Variants in FKBP3 observed in about 807,000 individuals in gnomAD.
FKBP3 encodes FKBP prolyl isomerase 3, also known as peptidyl-prolyl cis-trans isomerase FKBP3.
FKBP3 carries 21 observed loss-of-function variants against 30.6 expected under a neutral mutation model. The ratio of observed to expected loss-of-function variants is 0.69; its 90% CI spans 0.49 to 0.99. The LOEUF (loss-of-function observed/expected upper bound fraction) is 0.99. FKBP3 is among the 50% of genes least tolerant of loss of function. The pLI is 0.00. For missense variants in FKBP3, 283 were observed against 261.6 expected (o/e 1.08, Z -0.56); for synonymous variants, 82 against 91.3 (o/e 0.90, Z 0.58).
chr14:45,121,695 A>T (rs1307277515), intron 3 of FKBP3, 75 bp from the exon 4 acceptor site: 1 of 1,512,314 alleles, frequency 6.6e-7, no homozygotes, highest in Non-Finnish European at 8.9e-7. Context: ...ACAATAGCCA[A>T]CAATGACCAA....
chr14:45,132,522 C>G lies in FKBP3; in HGVS notation c.109-1722G>C, dbSNP rs1328130055. ...AAACGATTCTCCTGCCTCAGCCTCC[C>G]GAACAGCTGGGATTAGAGGCGCCCA... is the stretch of plus-strand genomic sequence containing the variant. On this transcript the variant is annotated intron_variant, in intron 1 of 6. Coordinates refer to ENST00000396062, the MANE Select transcript of FKBP3 (RefSeq NM_002013.4). Among the ~76,000 whole-genome samples the G allele has an allele frequency of 5.9e-5, 9 of 152,082 alleles. No homozygotes were observed. In the East Asian group the frequency reaches 9.7e-4, roughly 16 times the overall value.
chr14:45,129,905 T>C lies in FKBP3; in HGVS notation c.211-4A>G, dbSNP rs765309859. The stretch of plus-strand genomic sequence containing the variant: ...TACTTTCAGTACCCTTAAAACGCTG[T>C]AAGGAAAATGTTGTAACATCATACC... On this transcript the variant is annotated splice_polypyrimidine_tract_variant and splice_region_variant and intron_variant, in intron 2 of 6. Transcript: ENST00000396062. 6.3e-7 allele frequency: 1 copy of C among 1,593,702 alleles called. No individual in the cohort carries two copies. Among genetic ancestry groups the C allele is most frequent in the Non-Finnish European group, 8.6e-7 (1 of 1,165,496 alleles).
chr14:45,127,176 C>T (rs1000335497), intron 3 of FKBP3, among the ~76,000 whole-genome samples: 1 of 144,758 alleles, frequency 6.9e-6, no homozygotes, highest in African/African-American at 2.7e-5. Context: ...TACAATGGTG[C>T]GATCTCAGCT....
intron 6 of FKBP3, among the ~76,000 whole-genome samples, chr14:45,117,611 T>C (rs2139074729): frequency 6.6e-6 from 1 of 152,350 alleles, no homozygotes; most frequent in Middle Eastern, 3.4e-3. Flanking sequence ...CTCCCACATC[T>C]ATTCCATTTC....
At chr14:45,131,660 CTG>C (rs1308492429) in intron 1 of FKBP3, among the ~76,000 whole-genome samples, 1 of 145,932 alleles carries the variant, frequency 6.9e-6, no homozygotes, top group Non-Finnish European at 1.5e-5. Flanking sequence ...AAAATCCTAG[CTG>C]TCTGACACTA....
chr14:45,134,359 C>A lies in FKBP3; in HGVS notation c.98G>T (p.Gly33Val). ...CTACGCCTCTGGTACCGAATCTGAA[C>A]CGTGTTCCTGCAGAAACTTGATAAT... is the stretch of plus-strand genomic sequence containing the variant. The part of the protein sequence containing the change: ...KDIIKFLQEH[G>V]SDSFLAEHKL... The change falls in exon 1 of 7, where the codon GGT (glycine) becomes GTT (valine). Residue 33 changes from glycine (G) to valine (V), a missense_variant. Transcript: ENST00000396062. 9 of 1,613,572 alleles carry A rather than the reference C, an allele frequency of 5.6e-6. No individual in the cohort carries two copies. Among genetic ancestry groups the A allele is most frequent in the East Asian group, 2.2e-5 (1 of 44,852 alleles).
At chr14:45,124,440 G>A (rs1397493517) in intron 3 of FKBP3, among the ~76,000 whole-genome samples, 1 of 152,058 alleles carries the variant, frequency 6.6e-6, no homozygotes. Context: ...GCTGAAGCAG[G>A]AGAATCACTT....
intron 3 of FKBP3, among the ~76,000 whole-genome samples, chr14:45,126,410 C>A (rs1397617939): frequency 1.3e-5 from 2 of 151,902 alleles, no homozygotes. Flanking sequence ...ACTGCTTGAA[C>A]CCGGGAGGCG....
At chr14:45,129,961 A>T in intron 2 of FKBP3, 60 bp from the exon 3 acceptor site, 1 of 1,002,782 alleles carries the variant, frequency 1.0e-6, no homozygotes, top group South Asian at 1.6e-5. Flanking sequence ...AAGCAACATC[A>T]AGATTTTCAG....
chr14:45,128,895 C>T (rs1885157326), intron 3 of FKBP3, among the ~76,000 whole-genome samples: 1 of 152,192 alleles, frequency 6.6e-6, no homozygotes, highest in Non-Finnish European at 1.5e-5. Flanking sequence ...ATAATAATTG[C>T]TCCATTTACC....
Position 45,134,329 on chromosome 14 carries a change from C to G in FKBP3, c.108+20G>C, listed in dbSNP as rs1483183890. On this transcript the variant is annotated intron_variant, in intron 1 of 6. Coordinates refer to ENST00000396062, the MANE Select transcript of FKBP3 (RefSeq NM_002013.4). ...CGTCCCTCAGCCGCACCAGCCCGGC[C>G]GCCCCTACGCCTCTGGTACCGAATC... 1.3e-6 allele frequency: 2 copies of G among 1,588,892 alleles called. No homozygotes were observed. Among genetic ancestry groups the G allele is most frequent in the Admixed American group, 1.7e-5 (1 of 59,366 alleles).
At chr14:45,121,107 A>G (rs574078979) in intron 4 of FKBP3, among the ~76,000 whole-genome samples, 153 bp from the exon 5 acceptor site, 1 of 152,364 alleles carries the variant, frequency 6.6e-6, no homozygotes, top group South Asian at 2.1e-4. Flanking sequence ...AAAATTTACA[A>G]AGATCATCCA....
chr14:45,132,943 A>G (rs1049262509), intron 1 of FKBP3, among the ~76,000 whole-genome samples: 2 of 152,218 alleles, frequency 1.3e-5, no homozygotes, highest in Admixed American at 6.5e-5. Context: ...AATTGGCTTA[A>G]GAGAAAATAG....
At chr14:45,125,975 T>C (rs1056128917) in intron 3 of FKBP3, among the ~76,000 whole-genome samples, 1 of 151,986 alleles carries the variant, frequency 6.6e-6, no homozygotes, top group Non-Finnish European at 1.5e-5. Context: ...CTTGTCTCAC[T>C]ACAATCTCTG....
rs1234120620 is a variant in FKBP3, at chr14:45,134,220, G to A, written c.108+129C>T. 3.9e-6 allele frequency: 3 copies of A among 776,802 alleles called. No homozygotes were observed. The South Asian group carries it at 5.1e-5, about 13-fold the overall frequency. The allele number at this position is 776,802 out of a possible 1,614,324, so 48.1% of individuals were successfully genotyped here. A position where few individuals can be genotyped will look rare whatever the true frequency, so the allele number is the denominator to read the frequency against. On this transcript the variant is annotated intron_variant, in intron 1 of 6. Transcript: ENST00000396062. Reference sequence around the variant, plus strand: ...CCAAAGCACAAGCTGGGCCTCTCCGGCCTTCCAGGCCACCGGCCGCGGGAA... The same window carrying A: ...CCAAAGCACAAGCTGGGCCTCTCCGACCTTCCAGGCCACCGGCCGCGGGAA...
chr14:45,134,302 G>C (rs767615899), intron 1 of FKBP3, 47 bp downstream of exon 1: 2 of 1,427,710 alleles, frequency 1.4e-6, no homozygotes, highest in East Asian at 4.6e-5. Flanking sequence ...AGGGGGGTGA[G>C]GCGTCCCTCA....
intron 5 of FKBP3, among the ~76,000 whole-genome samples, chr14:45,119,692 T>G (rs937859509): frequency 6.6e-5 from 10 of 150,788 alleles, no homozygotes; most frequent in African/African-American, 2.2e-4. Context: ...GGTAACAATT[T>G]TTTTTTTTTT....
chr14:45,126,008 C>G (rs1480821434), intron 3 of FKBP3, among the ~76,000 whole-genome samples: 2 of 152,002 alleles, frequency 1.3e-5, no homozygotes, highest in Non-Finnish European at 2.9e-5. Flanking sequence ...AAAGGATCCT[C>G]CCTGCTCAGC....
At chr14:45,123,602 C>CTTTTTT (rs200242313) in intron 3 of FKBP3, among the ~76,000 whole-genome samples, 3 of 84,308 alleles carry the variant, frequency 3.6e-5, no homozygotes, top group Non-Finnish European at 6.4e-5. Context: ...CTCTCTACTC[C>CTTTTTT]TTTTTTTTTT....
Sources: allele counts gnomAD v4.1 joint callset (sites outside exome capture counted in the v4.1 genomes callset), GRCh38; gene constraint gnomAD v4.1.1; transcripts MANE v1.5; gene names NCBI Gene and HGNC (gene_info 2026-07-23, HGNC 2026-07-21).